The following LHX5 variants were observed in gnomAD, a reference collection of about 807,000 sequenced individuals.
LHX5 encodes LIM/homeobox protein Lhx5.
Under a neutral mutation model 30.6 loss-of-function variants are expected in LHX5, and 5 were observed. That is an observed-to-expected ratio of 0.16 (90% confidence interval 0.09 to 0.34). The LOEUF is 0.34. Among genes scored for constraint, LHX5 ranks in the 10% least tolerant of loss-of-function variants. LHX5 has a pLI of 1.00. For missense variants in LHX5, 458 were observed against 570.6 expected, an observed-to-expected ratio of 0.80 and a Z score of 2.01; for synonymous variants, 266 against 252.6, an observed-to-expected ratio of 1.05 and a Z score of -0.50.
Position 113,465,215 on chromosome 12 carries a change from A to G in LHX5, c.842-1658T>C, listed in dbSNP as rs1413119911. On this transcript the variant is annotated intron_variant, in intron 4 of 4. Coordinates refer to ENST00000261731, the MANE Select transcript of LHX5 (RefSeq NM_022363.3). The surrounding 1 kb of genome is among the most constrained non-coding windows in gnomAD (Gnocchi z 6.7). ...CGGTTGCCAATTACTTTTTAAAACC[A>G]TTAATTTAATTCTCCCCGAAAGTGA... Among the ~76,000 whole-genome samples the G allele has an allele frequency of 6.6e-6, 1 of 152,234 alleles. No homozygotes were observed. Among genetic ancestry groups the G allele is most frequent in the Non-Finnish European group, 1.5e-5 (1 of 68,032 alleles).
rs769149666 is a variant in LHX5 at position 113,463,184 on chromosome 12, G to A, written c.*6C>T. 3 of 1,503,298 alleles carry A rather than the reference G, an allele frequency of 2.0e-6. No homozygotes were observed. The highest frequency in any genetic ancestry group is 4.7e-4 in the Middle Eastern group (2 of 4,298). The allele number at this position is 1,503,298 out of a possible 1,614,324, so 93.1% of individuals were successfully genotyped here. ...GGGGCCGAGCGCGGGGGGCGGCCCGGCGGCCTTACCACACGGCGGCTTCGT... is the reference window on the plus strand; with the variant it reads ...GGGGCCGAGCGCGGGGGGCGGCCCGACGGCCTTACCACACGGCGGCTTCGT... On this transcript the variant is annotated 3_prime_UTR_variant, in exon 5 of 5. Transcript: ENST00000261731. The surrounding 1 kb of genome is among the most constrained non-coding windows in gnomAD (Gnocchi z 6.7).
At chr12:113,469,875 G>C (rs1958237648) in intron 1 of LHX5, among the ~76,000 whole-genome samples, 1 of 152,248 alleles carries the variant, frequency 6.6e-6, no homozygotes, top group South Asian at 2.1e-4. Flanking sequence ...GCAGAAAGGA[G>C]GGAACCTTCC....
At chr12:113,468,056 G>T (rs1361790958) in intron 3 of LHX5, 71 bp downstream of exon 3, 3 of 1,445,710 alleles carry the variant, frequency 2.1e-6, no homozygotes, top group Non-Finnish European at 2.7e-6. Flanking sequence ...GAAGCTTGGC[G>T]GGAGACTCCT....
Position 113,468,475 on chromosome 12 carries a change from G to A in LHX5, c.398-71C>T, listed in dbSNP as rs1958228080. ...CCAGACGCCTCTTCAGTCCAGTGGC[G>A]GGTTCCCGCCGGCCCAAGCTACGGC... On this transcript the variant is annotated intron_variant, in intron 2 of 4. Transcript: ENST00000261731. 4.7e-6 allele frequency: 7 copies of A among 1,496,174 alleles called. No homozygotes were observed. In the East Asian group the frequency reaches 1.4e-4, roughly 31 times the overall value. 92.7% of individuals were successfully genotyped at this position (1,496,174 alleles called of 1,614,324 possible).
At position 113,462,825 on chromosome 12, in the gene LHX5, C is replaced by T. The variant is rs1160537047; in HGVS notation, c.*365G>A. 5.7e-6 allele frequency: 1 copy of T among 176,334 alleles called. No homozygotes were observed. Among genetic ancestry groups the T allele is most frequent in the African/African-American group, 2.5e-5 (1 of 40,260 alleles). The allele number at this position is 176,334 out of a possible 1,614,324, so 10.9% of individuals were successfully genotyped here. ...ACCGTCTCCGCCCCTTGGCCTCACCCTCTCTCAGTCCAAAGAGGTGGCGGT... is the reference window on the plus strand; with the variant it reads ...ACCGTCTCCGCCCCTTGGCCTCACCTTCTCTCAGTCCAAAGAGGTGGCGGT... On this transcript the variant is annotated 3_prime_UTR_variant, in exon 5 of 5. Transcript: ENST00000261731.
rs142448695 is a variant in LHX5 at position 113,471,379 on chromosome 12, C to T, written c.120G>A (p.Ser40=). ...TGCCCTCGCGCGAGAAGCACTTCTC[C>T]GAGAGGTTGGTTTTGCACTCGCAGC... ...VQCCECKTNL[S]EKCFSREGKL... The change falls in exon 1 of 5, where the codon TCG becomes TCA. Residue 40 remains serine, a synonymous_variant. Coordinates refer to ENST00000261731, the MANE Select transcript of LHX5 (RefSeq NM_022363.3). 1.7e-5 allele frequency: 27 copies of T among 1,613,934 alleles called. No homozygotes were observed. The highest frequency in any genetic ancestry group is 2.2e-5 in the Non-Finnish European group (26 of 1,179,952).
At position 113,467,833 on chromosome 12, in the gene LHX5, G is replaced by C. The variant is rs535926184; in HGVS notation, c.675+294C>G. On this transcript the variant is annotated intron_variant, in intron 3 of 4. Transcript: ENST00000261731. This position sits in a 1 kb window ranked among gnomAD's most constrained non-coding sequence, Gnocchi z 6.3. ...CTGCTCGAAAGGTGGAGGTAAAGAGGGATCCCGGACCCCAGAGAGGCTTAC... is the reference window on the plus strand; with the variant it reads ...CTGCTCGAAAGGTGGAGGTAAAGAGCGATCCCGGACCCCAGAGAGGCTTAC... Among the ~76,000 whole-genome samples the C allele has an allele frequency of 1.3e-4, 20 of 152,374 alleles. No individual in the cohort carries two copies. In the East Asian group the frequency reaches 3.5e-3, roughly 26 times the overall value.
rs11066568 is a variant in LHX5, at chr12:113,464,047, A to T, written c.842-490T>A. Among the ~76,000 whole-genome samples, 14,121 of 152,152 alleles carry T rather than the reference A, an allele frequency of 0.093. 1,046 individuals carry two copies. The highest frequency in any genetic ancestry group is 0.39 in the East Asian group (1,984 of 5,124). On this transcript the variant is annotated intron_variant, in intron 4 of 4. Transcript: ENST00000261731. The surrounding 1 kb of genome is among the most constrained non-coding windows in gnomAD (Gnocchi z 6.2). The stretch of plus-strand genomic sequence containing the variant: ...AGAGAAAGGCGGAAAAGAGACCCAG[A>T]GACGCGGAGTCCGCGGCTGAGACCC...
In LHX5 at chr12:113,468,317, G is replaced by C; in HGVS notation, c.485C>G (p.Ser162Trp). ...DPKETDNSTS[S>W]DKETANNENE... ...CTCGTTGTTGGCCGTCTCCTTGTCCGACGAGGTCGAGTTGTCCGTCTCTTT... is the reference window on the plus strand; with the variant it reads ...CTCGTTGTTGGCCGTCTCCTTGTCCCACGAGGTCGAGTTGTCCGTCTCTTT... Residue 162 changes from serine to tryptophan, a missense_variant, in exon 3 of 5, where the codon TCG becomes TGG. Ser to Trp is a radical substitution (Grantham distance 177). Around this residue, in one of 3 missense-constraint regions of LHX5, gnomAD observed 178 missense variants for 238.5 expected, o/e 0.75. Coordinates refer to ENST00000261731, the MANE Select transcript of LHX5 (RefSeq NM_022363.3). 1 of 1,614,170 alleles carries C rather than the reference G, an allele frequency of 6.2e-7. No individual in the cohort carries two copies. The highest frequency in any genetic ancestry group is 8.5e-7 in the Non-Finnish European group (1 of 1,179,976).
At position 113,469,222 on chromosome 12, in the gene LHX5, C is replaced by T. The variant is rs373513780; in HGVS notation, c.297G>A (p.Leu99=). ...CFTCMVCNKQ[L]STGEELYVID... is the part of the protein sequence containing the mutation. ...TGACGTAGAGCTCCTCGCCGGTGGA[C>T]AGCTGCTTGTTACACACCATGCAGG... is the stretch of plus-strand genomic sequence containing the variant. Residue 99 remains leucine (L), a synonymous_variant, in exon 2 of 5, where the codon CTG becomes CTA. Transcript: ENST00000261731. The T allele has an allele frequency of 6.2e-7, 1 of 1,614,248 alleles. No homozygotes were observed. Among genetic ancestry groups the T allele is most frequent in the Non-Finnish European group, 8.5e-7 (1 of 1,180,046 alleles).
In LHX5 at chr12:113,471,735, G is replaced by T. The variant is rs1958253865; in HGVS notation, c.-237C>A. The T allele has an allele frequency of 2.1e-6, 1 of 472,372 alleles. No homozygotes were observed. The highest frequency in any genetic ancestry group is 3.5e-5 in the East Asian group (1 of 28,282). The allele number at this position is 472,372 out of a possible 1,614,324, so 29.3% of individuals were successfully genotyped here. A position where few individuals can be genotyped will look rare whatever the true frequency, so the allele number is the denominator to read the frequency against. ...CACAACCTCATGCCACGGGCCGCACGCCCCGGCGCCTGTTCCGGGCTTCCC... is the reference window on the plus strand; with the variant it reads ...CACAACCTCATGCCACGGGCCGCACTCCCCGGCGCCTGTTCCGGGCTTCCC... On this transcript the variant is annotated 5_prime_UTR_variant, in exon 1 of 5. Coordinates refer to ENST00000261731, the MANE Select transcript of LHX5 (RefSeq NM_022363.3).
At position 113,463,481 on chromosome 12, in the gene LHX5, G is replaced by A. The variant is rs1334310561; in HGVS notation, c.918C>T (p.Ser306=). 1 of 1,567,642 alleles carries A rather than the reference G, an allele frequency of 6.4e-7. No individual in the cohort carries two copies. Among genetic ancestry groups the A allele is most frequent in the Admixed American group, 1.8e-5 (1 of 55,780 alleles). The change falls in exon 5 of 5, where the codon TCC becomes TCT. Residue 306 remains serine, a synonymous_variant. Transcript: ENST00000261731. The surrounding 1 kb of genome is among the most constrained non-coding windows in gnomAD (Gnocchi z 6.7). ...CCGCCAGGAAGCTGGAGTCGGCCGG[G>A]GACTGCGCCTGCGAAGGCGGGCCGT... ...FAHGPPSQAQ[S]PADSSFLAAS...
chr12:113,468,264 G>T lies in LHX5; in HGVS notation c.538C>A (p.Arg180=). The T allele has an allele frequency of 6.2e-7, 1 of 1,614,126 alleles. No individual in the cohort carries two copies. Among genetic ancestry groups the T allele is most frequent in the Non-Finnish European group, 8.5e-7 (1 of 1,179,954 alleles). Reference sequence around the variant, plus strand: ...TTGATGGTGGTGCGGGGGCCGCGCCGCTTGGTGCCCGAGTTCTGCTCCTCG... The same window carrying T: ...TTGATGGTGGTGCGGGGGCCGCGCCTCTTGGTGCCCGAGTTCTGCTCCTCG... ...ENEEQNSGTK[R]RGPRTTIKAK... The change falls in exon 3 of 5, where the codon CGG becomes AGG. Residue 180 remains arginine, a synonymous_variant. Transcript: ENST00000261731.
Position 113,467,536 on chromosome 12 carries a change from A to G in LHX5, c.676-115T>C. 1 of 1,012,034 alleles carries G rather than the reference A, an allele frequency of 9.9e-7. No homozygotes were observed. The highest frequency in any genetic ancestry group is 1.3e-6 in the Non-Finnish European group (1 of 747,236). The allele number at this position is 1,012,034 out of a possible 1,614,324, so 62.7% of individuals were successfully genotyped here. On this transcript the variant is annotated intron_variant, in intron 3 of 4. Coordinates refer to ENST00000261731, the MANE Select transcript of LHX5 (RefSeq NM_022363.3). This position sits in a 1 kb window ranked among gnomAD's most constrained non-coding sequence, Gnocchi z 6.3. ...GTCCTTGCGCCTCTTCCGCACCAGGACTCCCCCGAGGCGGGGCCGGGCCGG... is the reference window on the plus strand; with the variant it reads ...GTCCTTGCGCCTCTTCCGCACCAGGGCTCCCCCGAGGCGGGGCCGGGCCGG...
In LHX5 at chr12:113,465,718, C is replaced by T. The variant is rs1225132448; in HGVS notation, c.841+1538G>A. Among the ~76,000 whole-genome samples the T allele has an allele frequency of 6.6e-6, 1 of 152,230 alleles. No individual in the cohort carries two copies. Among genetic ancestry groups the T allele is most frequent in the Non-Finnish European group, 1.5e-5 (1 of 68,038 alleles). On this transcript the variant is annotated intron_variant, in intron 4 of 4. Transcript: ENST00000261731. The surrounding 1 kb of genome is among the most constrained non-coding windows in gnomAD (Gnocchi z 6.7). ...TTAATTATCCAGGCGGGGAAAAATT[C>T]CGGGCCGGTACCGCCCCCACTACCT...
rs1958222804 is a variant in LHX5, at chr12:113,467,576, G to A, written c.676-155C>T. On this transcript the variant is annotated intron_variant, in intron 3 of 4. Coordinates refer to ENST00000261731, the MANE Select transcript of LHX5 (RefSeq NM_022363.3). The surrounding 1 kb of genome is among the most constrained non-coding windows in gnomAD (Gnocchi z 6.3). ...GGCCGGGCCGGATTAGGCCGGGAGG[G>A]GTGGAGAGAGGCTTCGGCGAACCAG... Among the ~76,000 whole-genome samples, 1 of 152,250 alleles carries A rather than the reference G, an allele frequency of 6.6e-6. No homozygotes were observed.
In LHX5 at chr12:113,464,914, C is replaced by A. The variant is rs1958203135; in HGVS notation, c.842-1357G>T. 6.6e-6 allele frequency among the ~76,000 whole-genome samples: 1 copy of A among 152,184 alleles called. No homozygotes were observed. Among genetic ancestry groups the A allele is most frequent in the African/African-American group, 2.4e-5 (1 of 41,442 alleles). On this transcript the variant is annotated intron_variant, in intron 4 of 4. Coordinates refer to ENST00000261731, the MANE Select transcript of LHX5 (RefSeq NM_022363.3). The surrounding 1 kb of genome is among the most constrained non-coding windows in gnomAD (Gnocchi z 6.2). ...CAGAACCTTCGGGATATCCTGCCTT[C>A]CCCCACCAGGTGGGGCCCTGAAGGA...
In LHX5 at chr12:113,468,183, G is replaced by T; in HGVS notation, c.619C>A (p.Arg207Ser). ...AAFAATPKPT[R>S]HIREQLAQET... ...TGCGCCAGCTGCTCGCGGATGTGGC[G>T]CGTGGGCTTGGGCGTGGCGGCGAAG... The change falls in exon 3 of 5, where the codon CGC becomes AGC. Residue 207 changes from arginine (R) to serine (S), a missense_variant. Coordinates refer to ENST00000261731, the MANE Select transcript of LHX5 (RefSeq NM_022363.3). 6.2e-7 allele frequency: 1 copy of T among 1,612,138 alleles called. No individual in the cohort carries two copies. Among genetic ancestry groups the T allele is most frequent in the Non-Finnish European group, 8.5e-7 (1 of 1,179,362 alleles).
Position 113,466,855 on chromosome 12 carries a change from C to CCTCA in LHX5, c.841+397_841+400dup, listed in dbSNP as rs1958218067. On this transcript the variant is annotated intron_variant, in intron 4 of 4. Transcript: ENST00000261731. This position sits in a 1 kb window ranked among gnomAD's most constrained non-coding sequence, Gnocchi z 6.5. ...ATGCATGTGGATTTGCCAGTACTGG[C>CCTCA]CTCAGTGTGACTGGTGGGAGTGTGC... is the stretch of plus-strand genomic sequence containing the variant. Among the ~76,000 whole-genome samples the CCTCA allele has an allele frequency of 6.6e-6, 1 of 152,150 alleles. No homozygotes were observed. Among genetic ancestry groups the CCTCA allele is most frequent in the Non-Finnish European group, 1.5e-5 (1 of 68,038 alleles).
Sources: gnomAD v4.1 joint callset for allele counts (sites outside exome capture counted in the v4.1 genomes callset) on GRCh38, gnomAD v4.1.1 for gene constraint, gnomAD v4.1.1 regional missense constraint, Gnocchi (gnomAD v3.1) non-coding constraint, MANE v1.5 for transcripts, NCBI Gene and HGNC (gene_info 2026-07-23, HGNC 2026-07-21) for gene names.